Variants in RIPOR3 observed in about 807,000 individuals in gnomAD.
RIPOR3 encodes the protein RIPOR family member 3.
A neutral mutation model predicts 114.3 loss-of-function variants in RIPOR3; 95 were observed. That is an observed-to-expected ratio of 0.83 (90% CI 0.70 to 0.99). The LOEUF is 0.99. Among genes scored for constraint, RIPOR3 ranks in the 50% least tolerant of loss-of-function variants. The probability of loss-of-function intolerance (pLI) is 0.00; values close to 1 mark genes in which losing one functional copy is unlikely to be tolerated. For synonymous variants in RIPOR3, 575 were observed against 543.8 expected (o/e 1.06, Z -0.80); for missense variants, 1,252 against 1,266.9 (o/e 0.99, Z 0.18).
intron 1 of RIPOR3, among the ~76,000 whole-genome samples, chr20:50,640,217 C>T (rs1470242432): frequency 2.6e-5 from 4 of 152,242 alleles, no homozygotes; most frequent in Admixed American, 6.5e-5. Flanking sequence ...CCACTCCAGC[C>T]GTGACACACA....
At chr20:50,647,498 T>TG (rs1447730848) in intron 1 of RIPOR3, among the ~76,000 whole-genome samples, 14 of 147,158 alleles carry the variant, frequency 9.5e-5, no homozygotes, top group Non-Finnish European at 3.0e-5. Context: ...TTTTTTTTTT[T>TG]TTGAGATGGA....
At chr20:50,592,661 G>T in intron 18 of RIPOR3, 115 bp from the exon 19 acceptor site, 2 of 974,000 alleles carry the variant, frequency 2.1e-6, no homozygotes, top group Non-Finnish European at 2.8e-6. Context: ...CAGACCCACC[G>T]GGATGATCAC....
intron 1 of RIPOR3, among the ~76,000 whole-genome samples, chr20:50,676,671 C>T (rs2086687192): frequency 6.6e-6 from 1 of 152,004 alleles, no homozygotes; most frequent in Non-Finnish European, 1.5e-5. Context: ...TAAAAAAACC[C>T]ACAGGTGAGG....
intron 1 of RIPOR3, chr20:50,660,137 G>A (rs1345118670): frequency 2.6e-5 from 4 of 152,196 alleles, no homozygotes; most frequent in Non-Finnish European, 5.9e-5. Flanking sequence ...ATAGAAAGAG[G>A]AGCAGGTGCT....
At chr20:50,660,831 T>G (rs989205588) in intron 1 of RIPOR3, among the ~76,000 whole-genome samples, 24 of 143,696 alleles carry the variant, frequency 1.7e-4, no homozygotes, top group African/African-American at 5.5e-4. Context: ...CACAGCTCAC[T>G]GTAGGCTCGA....
chr20:50,589,613 A>C, intron 20 of RIPOR3, 73 bp downstream of exon 20: 1 of 1,485,800 alleles, frequency 6.7e-7, no homozygotes, highest in Non-Finnish European at 9.3e-7. Context: ...AATCATTTTG[A>C]AGTTAACTAA....
At chr20:50,669,922 C>G (rs2086405503) in intron 1 of RIPOR3, among the ~76,000 whole-genome samples, 1 of 151,626 alleles carries the variant, frequency 6.6e-6, no homozygotes, top group African/African-American at 2.4e-5. Flanking sequence ...TTTGGGAGGC[C>G]AAGGCGGGTG....
intron 17 of RIPOR3, 61 bp from the exon 18 acceptor site, chr20:50,593,257 C>A: frequency 6.4e-7 from 1 of 1,563,402 alleles, no homozygotes; most frequent in Non-Finnish European, 8.6e-7. Flanking sequence ...CGCTTCTCAG[C>A]TGGGAGTAGC....
intron 3 of RIPOR3, among the ~76,000 whole-genome samples, chr20:50,619,638 T>C (rs546306517): frequency 6.6e-6 from 1 of 152,318 alleles, no homozygotes; most frequent in African/African-American, 2.4e-5. Flanking sequence ...GCCGAGGCCC[T>C]CGACGCACTG....
At chr20:50,640,144 G>A (rs2085136335) in intron 1 of RIPOR3, among the ~76,000 whole-genome samples, 1 of 152,216 alleles carries the variant, frequency 6.6e-6, no homozygotes, top group Non-Finnish European at 1.5e-5. Context: ...TGGGACTCTG[G>A]CAGACCACAC....
intron 1 of RIPOR3, among the ~76,000 whole-genome samples, chr20:50,652,590 C>CAAAAAA (rs11470456): frequency 7.6e-4 from 66 of 87,270 alleles, no homozygotes; most frequent in African/African-American, 1.8e-3. Context: ...GATTCTGTCT[C>CAAAAAA]AAAAAAAAAA....
chr20:50,607,712 G>A (rs2083773711), intron 11 of RIPOR3, among the ~76,000 whole-genome samples: 1 of 152,132 alleles, frequency 6.6e-6, no homozygotes, highest in Non-Finnish European at 1.5e-5. Context: ...CCCAGCTCAC[G>A]AGGGAGAGGG....
In RIPOR3 at chr20:50,592,464, C is replaced by T. The variant is rs758506898; in HGVS notation, c.2457G>A (p.Gln819=). 2 of 1,611,870 alleles carry T rather than the reference C, an allele frequency of 1.2e-6. No individual in the cohort carries two copies. Among genetic ancestry groups the T allele is most frequent in the Non-Finnish European group, 1.7e-6 (2 of 1,179,298 alleles). The change falls in exon 19 of 22, where the codon CAG becomes CAA. Residue 819 remains glutamine, a synonymous_variant. Transcript: ENST00000327979. ...AGGCTCTTAAGGTCTGGGGCAGAGG[C>T]TGGAGCTGGCCCAGCCGCTTCCCCT... is the stretch of plus-strand genomic sequence containing the variant. ...KLQGKRLGQL[Q]PLPQTLRAWA...
chr20:50,637,559 C>CT (rs992247287), intron 1 of RIPOR3, among the ~76,000 whole-genome samples: 6 of 152,000 alleles, frequency 3.9e-5, no homozygotes, highest in Non-Finnish European at 8.8e-5. Flanking sequence ...GTTTTTCTGT[C>CT]TTTTTAAAAA....
intron 1 of RIPOR3, among the ~76,000 whole-genome samples, chr20:50,643,124 CT>C (rs34994340): frequency 0.16 from 22,560 of 139,294 alleles, 1,803 homozygotes; most frequent in East Asian, 0.24. Flanking sequence ...AATCTCAGCA[CT>C]TTTTTTTTTT....
chr20:50,672,187 A>C (rs2086535766), intron 1 of RIPOR3, among the ~76,000 whole-genome samples: 1 of 152,156 alleles, frequency 6.6e-6, no homozygotes, highest in Non-Finnish European at 1.5e-5. Flanking sequence ...CACAAGGCTA[A>C]GCACCTGGCT....
Position 50,597,568 on chromosome 20 carries a change from A to G in RIPOR3, c.1790+12T>C, listed in dbSNP as rs547402386. On this transcript the variant is annotated intron_variant, in intron 14 of 21. Transcript: ENST00000327979. ...TGGCCACTGGGTCACTGCTGGAAGGAGGTGCACTCACCGGAGACCCTGGGA... is the reference window on the plus strand; with the variant it reads ...TGGCCACTGGGTCACTGCTGGAAGGGGGTGCACTCACCGGAGACCCTGGGA... 5.6e-6 allele frequency: 9 copies of G among 1,598,758 alleles called. No homozygotes were observed. The highest frequency in any genetic ancestry group is 7.7e-6 in the Non-Finnish European group (9 of 1,172,870).
At chr20:50,640,822 C>CA (rs1207905630) in intron 1 of RIPOR3, among the ~76,000 whole-genome samples, 43 of 150,240 alleles carry the variant, frequency 2.9e-4, no homozygotes, top group African/African-American at 1.0e-3. Context: ...GATCAGAAGG[C>CA]AAAAAAATGT....
intron 1 of RIPOR3, among the ~76,000 whole-genome samples, chr20:50,667,220 C>T (rs868461586): frequency 2.8e-4 from 42 of 151,724 alleles, no homozygotes; most frequent in African/African-American, 9.7e-4. Context: ...CATCCCCAAA[C>T]GAGCCTCCCT....
Sources: allele counts gnomAD v4.1 joint callset (sites outside exome capture counted in the v4.1 genomes callset), GRCh38; gene constraint gnomAD v4.1.1; transcripts MANE v1.5; gene names NCBI Gene and HGNC (gene_info 2026-07-23, HGNC 2026-07-21).